RSF1: variants seen among roughly 807,000 people sequenced by gnomAD.
RSF1 encodes the protein remodeling and spacing factor 1.
Under a neutral mutation model 145.2 loss-of-function variants are expected in RSF1, and 13 were observed. That is an observed-to-expected ratio of 0.09 (90% CI 0.06 to 0.14). The LOEUF is 0.14. Ranked by LOEUF, RSF1 falls within the 10% of genes least tolerant of loss-of-function variation. RSF1 has a pLI of 1.00. For synonymous variants in RSF1, 577 were observed against 592.6 expected (o/e 0.97, Z 0.38); for missense variants, 1,517 against 1,718.2 (o/e 0.88, Z 2.07).
chr11:77,802,263 T>C (rs1006754200), intron 1 of RSF1, among the ~76,000 whole-genome samples: 3 of 152,196 alleles, frequency 2.0e-5, no homozygotes, highest in South Asian at 4.1e-4. Flanking sequence ...CCCCAATTTG[T>C]AGTCAAGTCA....
At chr11:77,709,536 A>T (rs1960630169) in intron 5 of RSF1, among the ~76,000 whole-genome samples, 1 of 152,212 alleles carries the variant, frequency 6.6e-6, no homozygotes. Context: ...AGAAACTTTC[A>T]CGATTTTGAA....
chr11:77,805,121 T>C (rs1948664508), intron 1 of RSF1, among the ~76,000 whole-genome samples: 1 of 152,212 alleles, frequency 6.6e-6, no homozygotes, highest in Admixed American at 6.6e-5. Flanking sequence ...TCTCTGTACC[T>C]AGCAGAAAAA....
intron 9 of RSF1, among the ~76,000 whole-genome samples, chr11:77,689,907 T>TA (rs1402614572): frequency 6.6e-6 from 1 of 152,224 alleles, no homozygotes; most frequent in Non-Finnish European, 1.5e-5. Flanking sequence ...CTCACGCCTG[T>TA]AATCCCAGCT....
intron 5 of RSF1, among the ~76,000 whole-genome samples, chr11:77,705,231 A>G (rs976338257): frequency 1.2e-4 from 18 of 152,240 alleles, no homozygotes; most frequent in East Asian, 5.8e-4. Flanking sequence ...AAGTTTGTCA[A>G]AAGAAAGTTG....
At chr11:77,719,540 T>C (rs2135878967) in intron 5 of RSF1, among the ~76,000 whole-genome samples, 1 of 152,326 alleles carries the variant, frequency 6.6e-6, no homozygotes, top group African/African-American at 2.4e-5. Flanking sequence ...ATAAAAATGA[T>C]GATCCAAAGT....
chr11:77,677,128 A>G (rs1959729536), intron 12 of RSF1, 129 bp from the exon 13 acceptor site: 2 of 725,680 alleles, frequency 2.8e-6, no homozygotes, highest in Non-Finnish European at 2.3e-6. Context: ...TCCAACAAAT[A>G]TGCAGTTTTC....
At chr11:77,868,919 T>C in the RSF1 span, 6 of 215,540 alleles carry the variant, frequency 2.8e-5, no homozygotes, top group East Asian at 2.3e-4. Context: ...ATGTGCTCAA[T>C]AGGCACAATT....
At chr11:77,829,772 A>C in the RSF1 span, 1 of 152,186 alleles carries the variant, frequency 6.6e-6, no homozygotes, top group Admixed American at 6.5e-5. Context: ...AAAATTAAAA[A>C]CTTGTGTGCT....
intron 4 of RSF1, among the ~76,000 whole-genome samples, chr11:77,730,865 G>A (rs1186509838): frequency 6.6e-6 from 1 of 152,208 alleles, no homozygotes; most frequent in Admixed American, 6.5e-5. Context: ...CCCCAGCCAT[G>A]TGGAACTGTG....
chr11:77,794,016 T>G (rs1055367616), intron 1 of RSF1, among the ~76,000 whole-genome samples: 3 of 152,120 alleles, frequency 2.0e-5, no homozygotes, highest in Non-Finnish European at 4.4e-5. Flanking sequence ...CACTCAACAC[T>G]GGAGCACACA....
intron 2 of RSF1, 39 bp from the exon 3 acceptor site, chr11:77,747,167 T>C: frequency 8.0e-7 from 1 of 1,253,956 alleles, no homozygotes; most frequent in Non-Finnish European, 1.2e-6. Flanking sequence ...ATGAAAGCAA[T>C]TTTTATTTAT....
Position 77,665,284 on chromosome 11 carries a change from G to A in RSF1, c.*1633C>T, listed in dbSNP as rs1206491505. 2.0e-5 allele frequency: 3 copies of A among 152,134 alleles called. No homozygotes were observed. The highest frequency in any genetic ancestry group is 3.9e-4 in the East Asian group (2 of 5,192). 9.4% of individuals were successfully genotyped at this position (152,134 alleles called of 1,614,324 possible). A position where few individuals can be genotyped will look rare whatever the true frequency, so the allele number is the denominator to read the frequency against. ...TAATTTGGAAAGAAAAATTAATGACGTTCCTTGGGCCAGCAGCAGATATGG... is the reference window on the plus strand; with the variant it reads ...TAATTTGGAAAGAAAAATTAATGACATTCCTTGGGCCAGCAGCAGATATGG... On this transcript the variant is annotated 3_prime_UTR_variant, in exon 16 of 16. Transcript: ENST00000308488.
chr11:77,699,442 T>C (rs1438312186), intron 6 of RSF1, among the ~76,000 whole-genome samples: 4 of 129,218 alleles, frequency 3.1e-5, no homozygotes, highest in Non-Finnish European at 6.8e-5. Context: ...AAATTCAGTA[T>C]CTCAGGGAAC....
rs1012104115 is a variant in RSF1 at position 77,662,692 on chromosome 11, G to A, written c.*4225C>T. 2 of 152,116 alleles carry A rather than the reference G, an allele frequency of 1.3e-5. No individual in the cohort carries two copies. Among genetic ancestry groups the A allele is most frequent in the African/African-American group, 2.4e-5 (1 of 41,422 alleles). The allele number at this position is 152,116 out of a possible 1,614,324, so 9.4% of individuals were successfully genotyped here. On this transcript the variant is annotated 3_prime_UTR_variant, in exon 16 of 16. Transcript: ENST00000308488. ...AAATCAGTTAACTTGCCACTTCCAAGGTAGGTTTACAGGCACACACTTTGG... is the reference window on the plus strand; with the variant it reads ...AAATCAGTTAACTTGCCACTTCCAAAGTAGGTTTACAGGCACACACTTTGG...
intron 15 of RSF1, among the ~76,000 whole-genome samples, chr11:77,667,815 T>C (rs1022929417): frequency 1.3e-5 from 2 of 152,192 alleles, no homozygotes; most frequent in African/African-American, 4.8e-5. Context: ...GCGATTCTCC[T>C]GCCTCAGCCT....
rs1055529868 is a variant in RSF1, at chr11:77,693,591, G to A, written c.2736C>T (p.Cys912=). 7.4e-6 allele frequency: 12 copies of A among 1,612,938 alleles called. No individual in the cohort carries two copies. The highest frequency in any genetic ancestry group is 4.0e-5 in the African/African-American group (3 of 74,858). The part of the protein sequence containing the change: ...HPELILLCDS[C]DSGYHTACLR... ...GGCAGGCAGTATGGTATCCACTATC[G>A]CAAGAGTCACACAGAAGAATCTGAA... The change falls in exon 8 of 16, where the codon TGC becomes TGT. Residue 912 remains cysteine, a synonymous_variant. Transcript: ENST00000308488.
chr11:77,846,824 C>G, the RSF1 span, among the ~76,000 whole-genome samples: 1 of 152,128 alleles, frequency 6.6e-6, no homozygotes, highest in Non-Finnish European at 1.5e-5. Flanking sequence ...GTCTTGTATT[C>G]TAAGTTGACA....
chr11:77,731,707 C>A (rs1961210258), intron 4 of RSF1, among the ~76,000 whole-genome samples: 1 of 152,266 alleles, frequency 6.6e-6, no homozygotes, highest in African/African-American at 2.4e-5. Flanking sequence ...CAATGCAGAG[C>A]TCAGGCTGTG....
chr11:77,811,244 C>T (rs988875161), intron 1 of RSF1, among the ~76,000 whole-genome samples: 1 of 152,194 alleles, frequency 6.6e-6, no homozygotes, highest in Non-Finnish European at 1.5e-5. Context: ...CTATCACAGA[C>T]TAGGCTTTAA....
Sources: gnomAD v4.1 joint callset for allele counts (sites outside exome capture counted in the v4.1 genomes callset) on GRCh38, gnomAD v4.1.1 for gene constraint, MANE v1.5 for transcripts, NCBI Gene and HGNC (gene_info 2026-07-23, HGNC 2026-07-21) for gene names.